The following SORCS2 variants were observed in gnomAD, a reference collection of about 807,000 sequenced individuals.
SORCS2 encodes VPS10 domain-containing receptor SorCS2.
A neutral mutation model predicts 141.6 loss-of-function variants in SORCS2; 100 were observed. The ratio of observed to expected loss-of-function variants is 0.71; its 90% CI spans 0.60 to 0.83. The LOEUF is 0.83. Ranked by LOEUF, SORCS2 falls within the 40% of genes least tolerant of loss-of-function variation. SORCS2 has a pLI of 0.00. For synonymous variants in SORCS2, 789 were observed against 676.9 expected, an observed-to-expected ratio of 1.17 and a Z score of -2.57; for missense variants, 1,646 against 1,560.2, an observed-to-expected ratio of 1.05 and a Z score of -0.93.
chr4:7,697,131 C>G, intron 11 of SORCS2, 67 bp from the exon 12 acceptor site: 2 of 1,394,822 alleles, frequency 1.4e-6, no homozygotes, highest in Middle Eastern at 1.8e-4. Flanking sequence ...TTTCCATGCT[C>G]AGACTTGTTA....
intron 1 of SORCS2, among the ~76,000 whole-genome samples, chr4:7,235,417 G>T (rs1177106611): frequency 1.3e-5 from 2 of 152,228 alleles, no homozygotes; most frequent in African/African-American, 2.4e-5. Flanking sequence ...GCTCAGAGAG[G>T]CATGGCCACT....
At chr4:7,433,845 G>C in intron 2 of SORCS2, 1 of 1,613,918 alleles carries the variant, frequency 6.2e-7, no homozygotes, top group Non-Finnish European at 8.5e-7. Flanking sequence ...GCACCAAGGA[G>C]GGGCTGTAGG....
At chr4:7,740,082 G>C in intron 26 of SORCS2, 118 bp from the exon 27 acceptor site, 1 of 795,776 alleles carries the variant, frequency 1.3e-6, no homozygotes, top group Non-Finnish European at 2.1e-6. Flanking sequence ...AAGGAAGCCA[G>C]GGAGGCCCAC....
chr4:7,721,579 C>T (rs771542824), intron 18 of SORCS2, among the ~76,000 whole-genome samples: 1 of 152,214 alleles, frequency 6.6e-6, no homozygotes, highest in Non-Finnish European at 1.5e-5. Flanking sequence ...ATTCATATAA[C>T]ACTCCTGAAA....
chr4:7,298,545 T>G lies in SORCS2; in HGVS notation c.481-97743T>G, dbSNP rs142084081. Among the ~76,000 whole-genome samples the G allele has an allele frequency of 3.4e-3, 522 of 152,244 alleles. 4 individuals are homozygous for G. The highest frequency in any genetic ancestry group is 0.012 in the African/African-American group (507 of 41,540). On this transcript the variant is annotated intron_variant, in intron 1 of 26. Coordinates refer to ENST00000507866, the MANE Select transcript of SORCS2 (RefSeq NM_020777.3). ...CCCCAGCAGCTTCAGAGCAGGCTTC[T>G]TTGTGGACAGCATGTTTCTTGGAGC...
intron 2 of SORCS2, among the ~76,000 whole-genome samples, chr4:7,473,362 C>A (rs1190839371): frequency 6.6e-6 from 1 of 152,110 alleles, no homozygotes; most frequent in Non-Finnish European, 1.5e-5. Flanking sequence ...CCTACAGGGA[C>A]CCTGGTAATG....
At chr4:7,721,375 A>G (rs1253219032) in intron 18 of SORCS2, among the ~76,000 whole-genome samples, 1 of 152,226 alleles carries the variant, frequency 6.6e-6, no homozygotes, top group African/African-American at 2.4e-5. Context: ...CTGAGGCTCA[A>G]GAATCACTTG....
At chr4:7,735,024 G>A (rs551851017) in intron 25 of SORCS2, among the ~76,000 whole-genome samples, 5 of 152,332 alleles carry the variant, frequency 3.3e-5, no homozygotes, top group African/African-American at 7.2e-5. Flanking sequence ...GTGATCCCCC[G>A]ACGCTGGGAC....
At chr4:7,333,430 T>C (rs1385928374) in intron 1 of SORCS2, among the ~76,000 whole-genome samples, 3 of 152,204 alleles carry the variant, frequency 2.0e-5, no homozygotes, top group Admixed American at 6.5e-5. Flanking sequence ...GACATCCTCT[T>C]CTGCTCTGTT....
intron 1 of SORCS2, among the ~76,000 whole-genome samples, chr4:7,215,945 T>C (rs1169834303): frequency 8.1e-6 from 1 of 123,088 alleles, no homozygotes; most frequent in Non-Finnish European, 1.9e-5. Context: ...AAAAGCAGGC[T>C]GCCGGAGCCA....
intron 14 of SORCS2, among the ~76,000 whole-genome samples, chr4:7,708,214 G>C (rs1459356813): frequency 6.6e-6 from 1 of 152,176 alleles, no homozygotes; most frequent in Non-Finnish European, 1.5e-5. Flanking sequence ...TTGCTTCCTG[G>C]GTGATGAGCA....
Position 7,427,843 on chromosome 4 carries a change from G to A in SORCS2, c.548+31488G>A, listed in dbSNP as rs996199407. Among the ~76,000 whole-genome samples the A allele has an allele frequency of 1.3e-4, 15 of 112,044 alleles. No individual in the cohort carries two copies. The South Asian group carries it at 2.5e-3, about 19-fold the overall frequency. The allele number at this position is 112,044 out of a possible 152,430, so 73.5% of individuals were successfully genotyped here. ...CCCTCCCCAACGATCCCACACCACC[G>A]CCCCCCCGCCCCCCCGCACCAGGCC... On this transcript the variant is annotated intron_variant, in intron 2 of 26. Transcript: ENST00000507866.
intron 23 of SORCS2, among the ~76,000 whole-genome samples, chr4:7,731,374 T>G (rs1215681882): frequency 6.6e-6 from 1 of 152,174 alleles, no homozygotes; most frequent in Admixed American, 6.5e-5. Flanking sequence ...TTTATATTAT[T>G]AAGATGTCCA....
intron 14 of SORCS2, among the ~76,000 whole-genome samples, chr4:7,704,858 G>A (rs569004849): frequency 6.6e-6 from 1 of 152,178 alleles, no homozygotes; most frequent in South Asian, 2.1e-4. Context: ...TCCTCTGGGT[G>A]CCCTCGAACA....
intron 3 of SORCS2, among the ~76,000 whole-genome samples, chr4:7,556,664 C>A (rs1485085942): frequency 6.6e-6 from 1 of 151,822 alleles, no homozygotes; most frequent in Non-Finnish European, 1.5e-5. Context: ...ATCCATCTAT[C>A]CATCCATCCA....
intron 3 of SORCS2, among the ~76,000 whole-genome samples, chr4:7,606,218 G>C (rs1718053342): frequency 6.6e-6 from 1 of 152,180 alleles, no homozygotes; most frequent in Non-Finnish European, 1.5e-5. Context: ...CTACAGGAGA[G>C]TTATTGCAGT....
chr4:7,326,483 C>T (rs954607700), intron 1 of SORCS2, among the ~76,000 whole-genome samples: 4 of 152,206 alleles, frequency 2.6e-5, no homozygotes, highest in Non-Finnish European at 5.9e-5. Context: ...CAAGCCTAAG[C>T]GTGAAGCATG....
At chr4:7,485,686 G>A (rs73212566) in intron 2 of SORCS2, among the ~76,000 whole-genome samples, 9,770 of 152,364 alleles carry the variant, frequency 0.064, 332 homozygotes, top group East Asian at 0.089. Context: ...GAGGGTGGGA[G>A]CTGAGGCTCA....
At chr4:7,227,803 G>A (rs1711531703) in intron 1 of SORCS2, among the ~76,000 whole-genome samples, 1 of 152,184 alleles carries the variant, frequency 6.6e-6, no homozygotes, top group Non-Finnish European at 1.5e-5. Context: ...TTGTGGCTGT[G>A]GTGCCTGCTG....
Sources: allele counts gnomAD v4.1 joint callset (sites outside exome capture counted in the v4.1 genomes callset), GRCh38; gene constraint gnomAD v4.1.1; transcripts MANE v1.5; gene names NCBI Gene and HGNC (gene_info 2026-07-23, HGNC 2026-07-21).